The following RPTOR variants were observed in gnomAD, a reference collection of about 807,000 sequenced individuals.
The protein encoded by RPTOR is regulatory-associated protein of mTOR.
Under a neutral mutation model 169.9 loss-of-function variants are expected in RPTOR, and 21 were observed. That is an observed-to-expected ratio of 0.12 (90% CI 0.09 to 0.18). The LOEUF (loss-of-function observed/expected upper bound fraction) is 0.18, where lower values mean the gene tolerates loss of function less well. Among genes scored for constraint, RPTOR ranks in the 10% least tolerant of loss-of-function variants. RPTOR has a pLI of 1.00. For missense variants in RPTOR, 1,133 were observed against 1,855.9 expected (o/e 0.61, Z 7.16); for synonymous variants, 732 against 753.2 (o/e 0.97, Z 0.46).
intron 6 of RPTOR, among the ~76,000 whole-genome samples, chr17:80,771,523 C>G (rs917695482): frequency 2.0e-5 from 3 of 152,160 alleles, no homozygotes; most frequent in East Asian, 1.9e-4. Flanking sequence ...CCCTTCCTGT[C>G]CAGCCCTCAA....
intron 6 of RPTOR, among the ~76,000 whole-genome samples, chr17:80,787,384 G>T (rs566508145): frequency 6.6e-6 from 1 of 152,174 alleles, no homozygotes; most frequent in Non-Finnish European, 1.5e-5. Flanking sequence ...CTCCTTAATG[G>T]ACACTTGAGC....
At chr17:80,909,127 G>A (rs2068581296) in intron 21 of RPTOR, among the ~76,000 whole-genome samples, 198 bp downstream of exon 21, 1 of 152,234 alleles carries the variant, frequency 6.6e-6, no homozygotes, top group Non-Finnish European at 1.5e-5. Context: ...TGGGCAGAGG[G>A]TGCTGGATTT....
At chr17:80,694,066 C>CTTCAGA (rs1314837159) in intron 3 of RPTOR, among the ~76,000 whole-genome samples, 1 of 152,242 alleles carries the variant, frequency 6.6e-6, no homozygotes, top group Non-Finnish European at 1.5e-5. Context: ...AGAGCGCTGT[C>CTTCAGA]AAGAATGCGA....
At chr17:80,724,705 C>T (rs574939028) in intron 4 of RPTOR, among the ~76,000 whole-genome samples, 1 of 152,218 alleles carries the variant, frequency 6.6e-6, no homozygotes, top group East Asian at 1.9e-4. Context: ...GACACCCCAC[C>T]TGCCCTTCCA....
At chr17:80,697,910 G>A (rs2066050972) in intron 3 of RPTOR, among the ~76,000 whole-genome samples, 1 of 118,926 alleles carries the variant, frequency 8.4e-6, no homozygotes, top group African/African-American at 3.8e-5. Flanking sequence ...AGGTGGTACA[G>A]CGAAGTCAGA....
intron 6 of RPTOR, among the ~76,000 whole-genome samples, chr17:80,783,077 AGTTG>A (rs2066957825): frequency 6.6e-6 from 1 of 152,206 alleles, no homozygotes; most frequent in Non-Finnish European, 1.5e-5. Context: ...TTTAGGAAAG[AGTTG>A]GTTTTCTGCT....
At chr17:80,711,880 A>C (rs937237772) in intron 4 of RPTOR, among the ~76,000 whole-genome samples, 4 of 151,350 alleles carry the variant, frequency 2.6e-5, no homozygotes, top group Non-Finnish European at 4.4e-5. Flanking sequence ...AGTAGCTGGG[A>C]TTACAGGCGC....
At chr17:80,647,678 C>A (rs2065607061) in intron 3 of RPTOR, among the ~76,000 whole-genome samples, 1 of 152,178 alleles carries the variant, frequency 6.6e-6, no homozygotes, top group African/African-American at 2.4e-5. Flanking sequence ...GCGGTGCCTC[C>A]ACTGACCAAG....
At chr17:80,921,105 C>T (rs2068739499) in intron 21 of RPTOR, among the ~76,000 whole-genome samples, 1 of 152,200 alleles carries the variant, frequency 6.6e-6, no homozygotes, top group Admixed American at 6.5e-5. Context: ...ACTTCAGGAT[C>T]GTTTTGTTTT....
At chr17:80,907,221 C>G (rs545905201) in intron 20 of RPTOR, among the ~76,000 whole-genome samples, 12 of 152,242 alleles carry the variant, frequency 7.9e-5, no homozygotes, top group Non-Finnish European at 1.5e-4. Context: ...CACTCGAAAC[C>G]CTTTGAATCT....
In RPTOR at chr17:80,924,942, G is replaced by A. The variant is rs771744037; in HGVS notation, c.2809-428G>A. On this transcript the variant is annotated intron_variant, in intron 23 of 33. Transcript: ENST00000306801. Reference sequence around the variant, plus strand: ...GCCGGCCTGCAAAGCTGTGCGCTCCGTCCAGGCCACTTCACATGGGAGTCC... The same window carrying A: ...GCCGGCCTGCAAAGCTGTGCGCTCCATCCAGGCCACTTCACATGGGAGTCC... Among the ~76,000 whole-genome samples the A allele has an allele frequency of 1.1e-4, 16 of 152,220 alleles. 1 individual carries two copies. Among genetic ancestry groups the A allele is most frequent in the South Asian group, 2.1e-4 (1 of 4,838 alleles).
At chr17:80,571,174 A>G (rs1000469602) in intron 1 of RPTOR, among the ~76,000 whole-genome samples, 5 of 152,304 alleles carry the variant, frequency 3.3e-5, no homozygotes, top group African/African-American at 9.6e-5. Flanking sequence ...TTGGCTGGCT[A>G]CCTTAAAGGT....
At chr17:80,812,903 C>T (rs1219516868) in intron 7 of RPTOR, among the ~76,000 whole-genome samples, 1 of 152,226 alleles carries the variant, frequency 6.6e-6, no homozygotes, top group South Asian at 2.1e-4. Context: ...AGATAATGCC[C>T]AGTGGCTGCA....
chr17:80,902,757 C>T (rs1567977896), intron 20 of RPTOR, among the ~76,000 whole-genome samples: 2 of 152,248 alleles, frequency 1.3e-5, no homozygotes, highest in Non-Finnish European at 2.9e-5. Context: ...TGGCCCCACA[C>T]CATGTCACTC....
chr17:80,916,645 C>T (rs1383334404), intron 21 of RPTOR, among the ~76,000 whole-genome samples: 1 of 152,232 alleles, frequency 6.6e-6, no homozygotes, highest in Non-Finnish European at 1.5e-5. Flanking sequence ...AAAGCAATAC[C>T]CCAAGGATCC....
At chr17:80,826,700 C>T (rs1051708166) in intron 9 of RPTOR, among the ~76,000 whole-genome samples, 7 of 152,236 alleles carry the variant, frequency 4.6e-5, no homozygotes, top group Admixed American at 3.3e-4. Flanking sequence ...GGGATGAAGA[C>T]TGAAGAAGAA....
At chr17:80,761,310 A>G (rs1323543726) in intron 6 of RPTOR, among the ~76,000 whole-genome samples, 1 of 152,238 alleles carries the variant, frequency 6.6e-6, no homozygotes, top group Non-Finnish European at 1.5e-5. Context: ...AGTATTGTCT[A>G]TTAATGAAAA....
At chr17:80,817,113 A>C (rs1052201155) in intron 7 of RPTOR, among the ~76,000 whole-genome samples, 2 of 152,240 alleles carry the variant, frequency 1.3e-5, no homozygotes, top group Admixed American at 6.5e-5. Context: ...CGAGCCGCAC[A>C]GCGGGAGGCA....
chr17:80,649,217 A>G (rs946405170), intron 3 of RPTOR, among the ~76,000 whole-genome samples: 3 of 152,184 alleles, frequency 2.0e-5, no homozygotes, highest in Non-Finnish European at 4.4e-5. Flanking sequence ...AAAGCTATTC[A>G]TGGAACAGCC....
Sources: gnomAD v4.1 joint callset for allele counts (sites outside exome capture counted in the v4.1 genomes callset) on GRCh38, gnomAD v4.1.1 for gene constraint, MANE v1.5 for transcripts, NCBI Gene and HGNC (gene_info 2026-07-23, HGNC 2026-07-21) for gene names.